Variants in ZSCAN32 observed in about 807,000 individuals in gnomAD.
The protein encoded by ZSCAN32 is zinc finger and SCAN domain-containing protein 32.
In ZSCAN32, 52 loss-of-function variants were observed where a neutral mutation model predicts 47.4. That is an observed-to-expected ratio of 1.10 (90% CI 0.88 to 1.38). The LOEUF (loss-of-function observed/expected upper bound fraction) is 1.38. ZSCAN32 is among the 40% of genes most tolerant of loss of function. The pLI is 0.00. For missense variants in ZSCAN32, 959 were observed against 846.0 expected (o/e 1.13, Z -1.66); for synonymous variants, 346 against 305.7 (o/e 1.13, Z -1.38).
chr16:3,391,792 G>T (rs2032735238), intron 3 of ZSCAN32, among the ~76,000 whole-genome samples: 1 of 151,986 alleles, frequency 6.6e-6, no homozygotes, highest in Non-Finnish European at 1.5e-5. Context: ...CAGGCTGGAT[G>T]TGGTGGCACA....
chr16:3,398,983 G>C (rs2033633161), intron 1 of ZSCAN32, among the ~76,000 whole-genome samples: 1 of 152,170 alleles, frequency 6.6e-6, no homozygotes, highest in Non-Finnish European at 1.5e-5. Context: ...AGCACTTTGA[G>C]AGGCCAAGGC....
At chr16:3,391,876 A>G (rs1162481161) in intron 3 of ZSCAN32, among the ~76,000 whole-genome samples, 2 of 152,078 alleles carry the variant, frequency 1.3e-5, no homozygotes, top group African/African-American at 4.8e-5. Flanking sequence ...GGCAGCAGTG[A>G]ACTATGATGC....
chr16:3,394,086 A>G (rs113769431), intron 2 of ZSCAN32, among the ~76,000 whole-genome samples: 75 of 152,206 alleles, frequency 4.9e-4, no homozygotes, highest in African/African-American at 1.8e-3. Context: ...ACAAGGTGAA[A>G]GAAACCCCGT....
intron 6 of ZSCAN32, chr16:3,383,967 G>A (rs1432890470): frequency 2.0e-6 from 1 of 492,428 alleles, no homozygotes; most frequent in Non-Finnish European, 3.5e-6. Context: ...GACAAACTGA[G>A]GCAAGACATT....
In ZSCAN32 at chr16:3,384,740, C is replaced by T. The variant is rs199811024; in HGVS notation, c.953G>A (p.Arg318His). Residue 318 changes from arginine to histidine, a missense_variant, in exon 6 of 7, where the codon CGC (arginine) becomes CAC (histidine). Arg to His is a conservative substitution (Grantham distance 29, BLOSUM62 0). Coordinates refer to ENST00000396852, the MANE Select transcript of ZSCAN32 (RefSeq NM_001284527.2). ...AGGCACACGGCCTCTCCTCACTTTGCGGTAACTCAACTGTAGGCTTTTGAA... is the reference window on the plus strand; with the variant it reads ...AGGCACACGGCCTCTCCTCACTTTGTGGTAACTCAACTGTAGGCTTTTGAA... ...TKFKSLQLSY[R>H]KVRRGRVPEP... 3.9e-4 allele frequency: 624 copies of T among 1,614,106 alleles called. 3 individuals carry two copies. The highest frequency in any genetic ancestry group is 7.4e-5 in the Non-Finnish European group (87 of 1,180,052).
rs766865113 is a variant in ZSCAN32, at chr16:3,397,533, C to T, written c.25G>A (p.Glu9Lys). 4.9e-5 allele frequency: 75 copies of T among 1,545,618 alleles called. No individual in the cohort carries two copies. Among genetic ancestry groups the T allele is most frequent in the African/African-American group, 6.9e-5 (5 of 72,890 alleles). Residue 9 changes from glutamate (E) to lysine (K), a missense_variant, in exon 2 of 7, where the codon GAG (glutamate) becomes AAG (lysine). By Grantham distance (56) the Glu-to-Lys change is moderately conservative. Transcript: ENST00000396852. MMAAVKST[E>K]AHPSSNKDPT... The stretch of plus-strand genomic sequence containing the variant: ...TCCTTGTTTGAGGATGGGTGTGCCT[C>T]GGTACTCTTCACTGCAGCCATCATT...
chr16:3,383,265 G>T lies in ZSCAN32; in HGVS notation c.1681C>A (p.Arg561Ser). The change falls in exon 7 of 7, where the codon CGC becomes AGC. Residue 561 changes from arginine to serine, a missense_variant. Physicochemically the swap from Arg to Ser is moderately radical, Grantham distance 110. Transcript: ENST00000396852. ...CGTAGGTGGGCAGTGAGGTTGGAGC[G>T]CTCACTAAAGCCCTTCCCGCACTCA... ...CSECGKGFSE[R>S]SNLTAHLRTH... 1.2e-6 allele frequency: 2 copies of T among 1,614,146 alleles called. No individual in the cohort carries two copies. Among genetic ancestry groups the T allele is most frequent in the Middle Eastern group, 3.3e-4 (2 of 6,060 alleles).
intron 5 of ZSCAN32, among the ~76,000 whole-genome samples, chr16:3,388,941 T>A (rs1472934151): frequency 2.0e-5 from 3 of 152,180 alleles, no homozygotes; most frequent in African/African-American, 4.8e-5. Flanking sequence ...TATACAACAC[T>A]CTGAAAGTGC....
At chr16:3,390,686 G>A (rs2032584478) in intron 3 of ZSCAN32, among the ~76,000 whole-genome samples, 169 bp from the exon 4 acceptor site, 1 of 152,278 alleles carries the variant, frequency 6.6e-6, no homozygotes, top group African/African-American at 2.4e-5. Flanking sequence ...AATTCTGGAG[G>A]TGGGGCCTAG....
intron 5 of ZSCAN32, among the ~76,000 whole-genome samples, chr16:3,386,602 T>C (rs2032024596): frequency 2.0e-5 from 3 of 152,224 alleles, no homozygotes; most frequent in African/African-American, 7.2e-5. Flanking sequence ...CATGGAATAC[T>C]ATGCAACCAT....
At chr16:3,397,831 A>AATGATACGG in intron 1 of ZSCAN32, 87 bp from the exon 2 acceptor site, 1 of 260,536 alleles carries the variant, frequency 3.8e-6, no homozygotes, top group Non-Finnish European at 7.2e-6. Flanking sequence ...CCTTTCCTTT[A>AATGATACGG]CTCCCTCCAC....
intron 5 of ZSCAN32, 147 bp downstream of exon 5, chr16:3,389,863 G>T (rs2032461850): frequency 1.3e-6 from 1 of 766,990 alleles, no homozygotes; most frequent in South Asian, 1.9e-5. Flanking sequence ...TGTCTCTCTG[G>T]CCTGCTCTGG....
At chr16:3,399,104 T>G (rs1229043566) in intron 1 of ZSCAN32, among the ~76,000 whole-genome samples, 1 of 152,096 alleles carries the variant, frequency 6.6e-6, no homozygotes, top group East Asian at 1.9e-4. Context: ...GCACCTGTAG[T>G]CGCAGCTACT....
At chr16:3,384,201 A>C (rs1372035942) in intron 6 of ZSCAN32, 1 of 587,750 alleles carries the variant, frequency 1.7e-6, no homozygotes, top group Non-Finnish European at 3.0e-6. Flanking sequence ...CCTAACCAGC[A>C]GTCTGACAAT....
intron 1 of ZSCAN32, among the ~76,000 whole-genome samples, chr16:3,400,192 T>C (rs1353460652): frequency 6.6e-6 from 1 of 152,204 alleles, no homozygotes; most frequent in African/African-American, 2.4e-5. Context: ...TCACTTAAAT[T>C]CTCTTTACAT....
chr16:3,399,649 T>C (rs1342500984), intron 1 of ZSCAN32, among the ~76,000 whole-genome samples: 2 of 152,326 alleles, frequency 1.3e-5, no homozygotes, highest in South Asian at 4.1e-4. Context: ...TCTCACTCTG[T>C]TGCCCAGGCT....
intron 5 of ZSCAN32, among the ~76,000 whole-genome samples, chr16:3,388,361 T>C (rs1023287552): frequency 2.0e-5 from 3 of 152,206 alleles, no homozygotes; most frequent in Non-Finnish European, 4.4e-5. Flanking sequence ...TCAAATGTCA[T>C]TTTCTCAGTG....
chr16:3,393,880 G>A (rs762557926), intron 2 of ZSCAN32, 66 bp from the exon 3 acceptor site: 2 of 1,354,206 alleles, frequency 1.5e-6, no homozygotes, highest in East Asian at 2.6e-5. Context: ...CAACTCCTAA[G>A]AGTGGCATTA....
chr16:3,396,674 C>T (rs958963509), intron 2 of ZSCAN32, among the ~76,000 whole-genome samples: 3 of 152,196 alleles, frequency 2.0e-5, no homozygotes, highest in African/African-American at 7.2e-5. Flanking sequence ...AAGCTGGTTA[C>T]ACCAATCAGA....
Sources: allele counts gnomAD v4.1 joint callset (sites outside exome capture counted in the v4.1 genomes callset), GRCh38; gene constraint gnomAD v4.1.1; transcripts MANE v1.5; gene names NCBI Gene and HGNC (gene_info 2026-07-23, HGNC 2026-07-21).